GRID2: variants seen among roughly 807,000 people sequenced by gnomAD.
GRID2 encodes glutamate ionotropic receptor delta type subunit 2.
Under a neutral mutation model 114.8 loss-of-function variants are expected in GRID2, and 33 were observed. That is an observed-to-expected ratio of 0.29 (90% CI 0.22 to 0.38). The LOEUF (loss-of-function observed/expected upper bound fraction) is 0.38. Among genes scored for constraint, GRID2 ranks in the 10% least tolerant of loss-of-function variants. The pLI is 1.00. For missense variants in GRID2, 1,184 were observed against 1,257.7 expected (o/e 0.94, Z 0.89); for synonymous variants, 505 against 449.9 (o/e 1.12, Z -1.55).
intron 14 of GRID2, among the ~76,000 whole-genome samples, chr4:93,758,265 T>C (rs1732926219): frequency 6.6e-6 from 1 of 152,212 alleles, no homozygotes; most frequent in African/African-American, 2.4e-5. Context: ...AAAACAGTAA[T>C]GTTATTTTCC....
intron 13 of GRID2, among the ~76,000 whole-genome samples, chr4:93,587,694 TC>T (rs1354934510): frequency 6.6e-6 from 1 of 152,134 alleles, no homozygotes; most frequent in African/African-American, 2.4e-5. Context: ...AGGTTAACTT[TC>T]TATTTAGATA....
intron 2 of GRID2, among the ~76,000 whole-genome samples, chr4:92,999,315 G>T (rs989398781): frequency 6.6e-6 from 1 of 151,752 alleles, no homozygotes; most frequent in African/African-American, 2.4e-5. Flanking sequence ...TTTGTCAGAG[G>T]CTTACAAAGT....
intron 2 of GRID2, among the ~76,000 whole-genome samples, chr4:93,004,659 C>A (rs1388399211): frequency 6.6e-6 from 1 of 151,962 alleles, no homozygotes; most frequent in African/African-American, 2.4e-5. Context: ...ATGAGTGTCA[C>A]ATCTTCCACT....
At chr4:93,187,557 C>A (rs191260816) in intron 4 of GRID2, among the ~76,000 whole-genome samples, 1 of 152,236 alleles carries the variant, frequency 6.6e-6, no homozygotes, top group African/African-American at 2.4e-5. Context: ...GCATTATAAA[C>A]GTGAACCACC....
intron 1 of GRID2, among the ~76,000 whole-genome samples, chr4:93,790,170 C>A (rs1381282910): frequency 6.6e-6 from 1 of 150,726 alleles, no homozygotes; most frequent in Non-Finnish European, 1.5e-5. Flanking sequence ...AAAACCTGTC[C>A]CTGGTGCCAA....
intron 13 of GRID2, among the ~76,000 whole-genome samples, chr4:93,547,497 G>T (rs1441468008): frequency 6.6e-6 from 1 of 152,174 alleles, no homozygotes; most frequent in Non-Finnish European, 1.5e-5. Context: ...CCTCTGAAAT[G>T]TATGCTCTTA....
At position 92,937,945 on chromosome 4, in the gene GRID2, A is replaced by G. The variant is rs532294335; in HGVS notation, c.245-147050A>G. On this transcript the variant is annotated intron_variant, in intron 2 of 15. Transcript: ENST00000282020. ...TCCTTATCTAAGTAGATAGGTTTCAATCTTTCACCTTTAAATATGATGGTA... is the reference window on the plus strand; with the variant it reads ...TCCTTATCTAAGTAGATAGGTTTCAGTCTTTCACCTTTAAATATGATGGTA... Among the ~76,000 whole-genome samples, 127 of 146,854 alleles carry G rather than the reference A, an allele frequency of 8.6e-4. 4 individuals carry two copies. The highest frequency in any genetic ancestry group is 2.6e-3 in the African/African-American group (108 of 41,330).
chr4:93,532,739 C>A (rs572123908), intron 13 of GRID2, among the ~76,000 whole-genome samples: 1 of 152,224 alleles, frequency 6.6e-6, no homozygotes, highest in Non-Finnish European at 1.5e-5. Flanking sequence ...TAATTATATG[C>A]AAATTTGGAC....
chr4:93,611,744 C>T (rs1740943511), intron 13 of GRID2, among the ~76,000 whole-genome samples: 1 of 134,124 alleles, frequency 7.5e-6, no homozygotes, highest in South Asian at 2.5e-4. Flanking sequence ...AGTATGTGGT[C>T]AATTTTGGAA....
At chr4:92,416,012 A>T (rs963509127) in intron 1 of GRID2, among the ~76,000 whole-genome samples, 1 of 151,826 alleles carries the variant, frequency 6.6e-6, no homozygotes, top group Non-Finnish European at 1.5e-5. Flanking sequence ...ACTAGTTTAC[A>T]TTCCCACCAG....
At chr4:93,072,453 C>T (rs1300388416) in intron 2 of GRID2, among the ~76,000 whole-genome samples, 1 of 152,040 alleles carries the variant, frequency 6.6e-6, no homozygotes, top group Non-Finnish European at 1.5e-5. Context: ...TATTGAAGTA[C>T]TCTTCCAGCA....
intron 1 of GRID2, among the ~76,000 whole-genome samples, chr4:92,463,274 T>C (rs1430691840): frequency 6.6e-6 from 1 of 151,968 alleles, no homozygotes; most frequent in East Asian, 1.9e-4. Flanking sequence ...CTCTTATCTA[T>C]TGGGAATTTT....
At chr4:92,805,047 A>G (rs1740344580) in intron 2 of GRID2, among the ~76,000 whole-genome samples, 1 of 152,014 alleles carries the variant, frequency 6.6e-6, no homozygotes, top group Admixed American at 6.6e-5. Context: ...CTTTGCAAGT[A>G]TTAACTAATT....
chr4:93,353,239 G>A (rs1407242190), intron 8 of GRID2, among the ~76,000 whole-genome samples: 1 of 151,924 alleles, frequency 6.6e-6, no homozygotes, highest in African/African-American at 2.4e-5. Flanking sequence ...AACTTAATAG[G>A]AGAGCTGTCA....
intron 4 of GRID2, among the ~76,000 whole-genome samples, chr4:93,134,353 T>C (rs558118362): frequency 3.3e-5 from 5 of 152,298 alleles, no homozygotes; most frequent in African/African-American, 9.6e-5. Flanking sequence ...TGGCTTTGAA[T>C]TGCGATCTGA....
chr4:92,359,019 CAATG>C (rs1186800389), intron 1 of GRID2, among the ~76,000 whole-genome samples: 1 of 151,856 alleles, frequency 6.6e-6, no homozygotes, highest in Non-Finnish European at 1.5e-5. Flanking sequence ...GTATGGAAAA[CAATG>C]AATAAGTCCC....
intron 3 of GRID2, among the ~76,000 whole-genome samples, chr4:93,085,538 C>T (rs1730261096): frequency 6.6e-6 from 1 of 152,118 alleles, no homozygotes; most frequent in Non-Finnish European, 1.5e-5. Context: ...TAGAGAGAAT[C>T]TGATTCCAAT....
chr4:92,852,843 T>C (rs2149424956), intron 2 of GRID2, among the ~76,000 whole-genome samples: 1 of 152,088 alleles, frequency 6.6e-6, no homozygotes, highest in East Asian at 1.9e-4. Context: ...TCTCCCATGT[T>C]ATGCCTGAAT....
At chr4:93,158,977 AT>A (rs1737430847) in intron 4 of GRID2, among the ~76,000 whole-genome samples, 1 of 151,720 alleles carries the variant, frequency 6.6e-6, no homozygotes, top group African/African-American at 2.4e-5. Context: ...TGGTACAAAG[AT>A]TCATTGGCCA....
Sources: gnomAD v4.1 joint callset for allele counts (sites outside exome capture counted in the v4.1 genomes callset) on GRCh38, gnomAD v4.1.1 for gene constraint, MANE v1.5 for transcripts, NCBI Gene and HGNC (gene_info 2026-07-23, HGNC 2026-07-21) for gene names.